GLDN: variants seen among roughly 807,000 people sequenced by gnomAD.
The protein encoded by GLDN is gliomedin, also known as collomin.
GLDN carries 47 observed loss-of-function variants against 56.5 expected under a neutral mutation model. The observed-to-expected ratio is 0.83, with a 90% CI of 0.66 to 1.06. The LOEUF (loss-of-function observed/expected upper bound fraction) is 1.06. Ranked by LOEUF, GLDN falls within the 50% of genes least tolerant of loss-of-function variation. The pLI is 0.00. For missense variants in GLDN, 782 were observed against 714.3 expected (o/e 1.09, Z -1.08); for synonymous variants, 332 against 278.8 (o/e 1.19, Z -1.90).
At chr15:51,378,057 G>A (rs1165346792) in intron 2 of GLDN, among the ~76,000 whole-genome samples, 6 of 152,224 alleles carry the variant, frequency 3.9e-5, no homozygotes, top group Non-Finnish European at 4.4e-5. Flanking sequence ...TTTGCATCAG[G>A]TTGTAGGAAG....
intron 1 of GLDN, among the ~76,000 whole-genome samples, chr15:51,370,661 C>G (rs1351717014): frequency 6.6e-6 from 1 of 151,970 alleles, no homozygotes; most frequent in Non-Finnish European, 1.5e-5. Flanking sequence ...ACTTATTATT[C>G]CAACATACCT....
rs1198514105 is a variant in GLDN, at chr15:51,401,646, A to T, written c.1081A>T (p.Thr361Ser). ...DQPSLLNGSY[T>S]FIHLPYYFHG... ...GCCCTCACTTCTGAATGGCAGTTACACGTTCATCCACCTTCCATACTATTT... is the reference window on the plus strand; with the variant it reads ...GCCCTCACTTCTGAATGGCAGTTACTCGTTCATCCACCTTCCATACTATTT... Residue 361 changes from threonine to serine, a missense_variant, in exon 9 of 10, where the codon ACG becomes TCG. Coordinates refer to ENST00000335449, the MANE Select transcript of GLDN (RefSeq NM_181789.4). 5.6e-6 allele frequency: 9 copies of T among 1,614,132 alleles called. No individual in the cohort carries two copies. Among genetic ancestry groups the T allele is most frequent in the Non-Finnish European group, 7.6e-6 (9 of 1,179,976 alleles).
At chr15:51,367,928 A>C (rs769345219) in intron 1 of GLDN, among the ~76,000 whole-genome samples, 13 of 152,208 alleles carry the variant, frequency 8.5e-5, no homozygotes, top group Non-Finnish European at 1.6e-4. Flanking sequence ...GGAAGGGGAT[A>C]GCCATGTCTC....
chr15:51,388,456 C>T (rs888421027), intron 4 of GLDN, among the ~76,000 whole-genome samples: 6 of 151,970 alleles, frequency 3.9e-5, no homozygotes, highest in Non-Finnish European at 8.8e-5. Flanking sequence ...CGCAATCAAT[C>T]GAAATATCCC....
At chr15:51,346,140 A>G (rs554849982) in intron 1 of GLDN, among the ~76,000 whole-genome samples, 18 of 152,242 alleles carry the variant, frequency 1.2e-4, no homozygotes, top group African/African-American at 4.1e-4. Context: ...TAGAAATCTG[A>G]TGTCATCCCA....
rs756601978 is a variant in GLDN at position 51,404,787 on chromosome 15, A to G, written c.*33A>G. On this transcript the variant is annotated 3_prime_UTR_variant, in exon 10 of 10. Transcript: ENST00000335449. Reference sequence around the variant, plus strand: ...CATTCGGCTCCCTTCAGCAAATTTCAGGGGTTTTCTGGGACCAGTTCTCCC... The same window carrying G: ...CATTCGGCTCCCTTCAGCAAATTTCGGGGGTTTTCTGGGACCAGTTCTCCC... 1 of 1,171,964 alleles carries G rather than the reference A, an allele frequency of 8.5e-7. No individual in the cohort carries two copies. Among genetic ancestry groups the G allele is most frequent in the Non-Finnish European group, 1.2e-6 (1 of 800,976 alleles). The allele number at this position is 1,171,964 out of a possible 1,614,324, so 72.6% of individuals were successfully genotyped here.
intron 4 of GLDN, among the ~76,000 whole-genome samples, chr15:51,392,940 C>T (rs1386682227): frequency 6.6e-5 from 10 of 152,164 alleles, no homozygotes; most frequent in African/African-American, 2.2e-4. Flanking sequence ...ATTGCACTGG[C>T]TAGGACCTCC....
intron 1 of GLDN, among the ~76,000 whole-genome samples, chr15:51,370,489 G>A (rs1455662829): frequency 2.0e-5 from 3 of 152,172 alleles, no homozygotes; most frequent in Admixed American, 1.3e-4. Flanking sequence ...AAGAGTTCTA[G>A]TTCATTCTGT....
Position 51,404,281 on chromosome 15 carries a change from G to C in GLDN, c.1183G>C (p.Glu395Gln). 1 of 1,580,118 alleles carries C rather than the reference G, an allele frequency of 6.3e-7. No homozygotes were observed. Among genetic ancestry groups the C allele is most frequent in the Non-Finnish European group, 8.6e-7 (1 of 1,166,358 alleles). ...KGGSNTLVRF[E>Q]FGQETSQTLK... is the part of the protein sequence containing the mutation. ...TTCTTTGTTTGCATATTTCAGATTTGAATTTGGCCAGGAAACATCCCAAAC... is the reference window on the plus strand; with the variant it reads ...TTCTTTGTTTGCATATTTCAGATTTCAATTTGGCCAGGAAACATCCCAAAC... Residue 395 changes from glutamate (E) to glutamine (Q), a missense_variant, in exon 10 of 10, where the codon GAA becomes CAA. Physicochemically the swap from Glu to Gln is conservative, Grantham distance 29. Coordinates refer to ENST00000335449, the MANE Select transcript of GLDN (RefSeq NM_181789.4).
rs1457651216 is a variant in GLDN at position 51,404,711 on chromosome 15, TG to T, written c.1614del (p.Met538IlefsTer12). Reference sequence around the variant, plus strand: ...TATTCATGGGAAGATGGCCATTTAATGCTTTATCCTGTGCAGTTTTTGTCAA... The same window carrying T: ...TATTCATGGGAAGATGGCCATTTAATCTTTATCCTGTGCAGTTTTTGTCAA... ...HLYSWEDGHL[M>X]LYPVQFLSTT... On this transcript the variant is annotated frameshift_variant, in exon 10 of 10. Transcript: ENST00000335449. LOFTEE classifies it high-confidence loss of function. 39 of 1,609,380 alleles carry T rather than the reference TG, an allele frequency of 2.4e-5. No homozygotes were observed. The highest frequency in any genetic ancestry group is 5.0e-5 in the Admixed American group (3 of 59,982).
chr15:51,402,406 A>G (rs1045726682), intron 9 of GLDN, among the ~76,000 whole-genome samples: 1 of 152,256 alleles, frequency 6.6e-6, no homozygotes, highest in African/African-American at 2.4e-5. Flanking sequence ...GGGCAAATCA[A>G]GAGAGCAATG....
intron 1 of GLDN, among the ~76,000 whole-genome samples, chr15:51,363,447 A>G (rs1379945247): frequency 6.6e-6 from 1 of 152,226 alleles, no homozygotes; most frequent in East Asian, 1.9e-4. Context: ...TCAGTGAAAA[A>G]TATCTTGGAA....
intron 2 of GLDN, among the ~76,000 whole-genome samples, chr15:51,378,241 CTT>C (rs1411888350): frequency 1.3e-4 from 20 of 152,222 alleles, no homozygotes; most frequent in African/African-American, 4.8e-4. Context: ...GTCTGACTCT[CTT>C]TCACTTATTT....
At chr15:51,385,572 G>A (rs1353958887) in intron 4 of GLDN, 1 of 152,158 alleles carries the variant, frequency 6.6e-6, no homozygotes, top group Non-Finnish European at 1.5e-5. Flanking sequence ...TCTGTTCCAT[G>A]GTGATAAATG....
chr15:51,347,581 A>G (rs976436179), intron 1 of GLDN, among the ~76,000 whole-genome samples: 4 of 152,348 alleles, frequency 2.6e-5, no homozygotes, highest in Admixed American at 2.0e-4. Context: ...ACACTGTATT[A>G]GGGAAGCTGA....
At chr15:51,352,809 T>A (rs1041313173) in intron 1 of GLDN, among the ~76,000 whole-genome samples, 3 of 152,238 alleles carry the variant, frequency 2.0e-5, no homozygotes, top group Non-Finnish European at 4.4e-5. Flanking sequence ...GCTTCCCTCG[T>A]TCTTTCCTCA....
chr15:51,410,808 TG>T (rs752943131), downstream of GLDN, among the ~76,000 whole-genome samples: 2 of 152,222 alleles, frequency 1.3e-5, no homozygotes, highest in Non-Finnish European at 2.9e-5. Flanking sequence ...CAAATTTAAC[TG>T]GGAGCCTTGC....
At chr15:51,351,639 C>T (rs1342602264) in intron 1 of GLDN, among the ~76,000 whole-genome samples, 1 of 152,208 alleles carries the variant, frequency 6.6e-6, no homozygotes, top group East Asian at 1.9e-4. Context: ...ATGGCAGTCA[C>T]AGGCTCACCT....
At chr15:51,384,419 C>G (rs886240411) in intron 4 of GLDN, 8 of 176,454 alleles carry the variant, frequency 4.5e-5, no homozygotes, top group Non-Finnish European at 8.1e-5. Context: ...CAAAGGGTCT[C>G]CTCTTCAGGG....
Sources: allele counts gnomAD v4.1 joint callset (sites outside exome capture counted in the v4.1 genomes callset), GRCh38; gene constraint gnomAD v4.1.1; transcripts MANE v1.5; gene names NCBI Gene and HGNC (gene_info 2026-07-23, HGNC 2026-07-21).